The following SUPT7L variants were observed in gnomAD, a reference collection of about 807,000 sequenced individuals.
SUPT7L encodes the protein SPT7 like, STAGA complex subunit gamma.
SUPT7L carries 15 observed loss-of-function variants against 35.7 expected under a neutral mutation model. That is an observed-to-expected ratio of 0.42 (90% CI 0.28 to 0.65). The LOEUF is 0.65. Among genes scored for constraint, SUPT7L ranks in the 30% least tolerant of loss-of-function variants. SUPT7L has a pLI of 0.23. For synonymous variants in SUPT7L, 168 were observed against 186.2 expected (o/e 0.90, Z 0.79); for missense variants, 434 against 522.2 (o/e 0.83, Z 1.65).
downstream of SUPT7L, among the ~76,000 whole-genome samples, chr2:27,647,195 G>A (rs1024906148): frequency 6.6e-6 from 1 of 152,170 alleles, no homozygotes; most frequent in Admixed American, 6.5e-5. Context: ...GCTCTCGCAA[G>A]CCTCATAGGC....
intron 5 of SUPT7L, 93 bp from the exon 6 acceptor site, chr2:27,653,840 AT>A (rs1674672648): frequency 6.9e-7 from 1 of 1,449,742 alleles, no homozygotes; most frequent in African/African-American, 1.4e-5. Context: ...ACCAACTAAT[AT>A]GCTTTGAGCT....
downstream of SUPT7L, among the ~76,000 whole-genome samples, chr2:27,648,407 T>C (rs1674348345): frequency 6.6e-6 from 1 of 152,012 alleles, no homozygotes; most frequent in Admixed American, 6.6e-5. Context: ...TAGTTCAAGC[T>C]GTTTGGGAGG....
intron 4 of SUPT7L, among the ~76,000 whole-genome samples, chr2:27,656,150 G>A (rs920761291): frequency 1.3e-5 from 2 of 151,962 alleles, no homozygotes; most frequent in African/African-American, 4.8e-5. Context: ...AGGCAACCCT[G>A]TCTAAAAAAA....
At position 27,657,316 on chromosome 2, in the gene SUPT7L, G is replaced by A; in HGVS notation, c.744+29C>T. 1.9e-6 allele frequency: 3 copies of A among 1,603,534 alleles called. No homozygotes were observed. The highest frequency in any genetic ancestry group is 1.7e-4 in the Middle Eastern group (1 of 6,014). ...ACACTCCGAGATTGCACAGACATCT[G>A]TGCCCACTTTTCAACAGGGTCGCCT... On this transcript the variant is annotated intron_variant, in intron 4 of 5. Coordinates refer to ENST00000337768, the MANE Select transcript of SUPT7L (RefSeq NM_014860.3). This position sits in a 1 kb window ranked among gnomAD's most constrained non-coding sequence, Gnocchi z 5.2.
chr2:27,653,401 A>C lies in SUPT7L; in HGVS notation c.*84T>G. 6 of 1,513,696 alleles carry C rather than the reference A, an allele frequency of 4.0e-6. No homozygotes were observed. Among genetic ancestry groups the C allele is most frequent in the Non-Finnish European group, 5.3e-6 (6 of 1,135,784 alleles). The allele number at this position is 1,513,696 out of a possible 1,614,324, so 93.8% of individuals were successfully genotyped here. ...TGTGTTTAAGAACAGGAGTCAAATC[A>C]ATTTTTAAGGAAACAGATTCTAATA... On this transcript the variant is annotated 3_prime_UTR_variant, in exon 6 of 6. Coordinates refer to ENST00000337768, the MANE Select transcript of SUPT7L (RefSeq NM_014860.3).
At position 27,657,573 on chromosome 2, in the gene SUPT7L, G is replaced by C. The variant is rs753636659; in HGVS notation, c.516C>G (p.Asp172Glu). 1.2e-6 allele frequency: 2 copies of C among 1,614,264 alleles called. No individual in the cohort carries two copies. The highest frequency in any genetic ancestry group is 4.5e-5 in the East Asian group (2 of 44,892). The change falls in exon 4 of 6, where the codon GAC (aspartate) becomes GAG (glutamate). Residue 172 changes from aspartate to glutamate, a missense_variant. This residue lies in a region of SUPT7L where 198 missense variants were observed against 190.8 expected (regional missense o/e 1.04). Transcript: ENST00000337768. The surrounding 1 kb of genome is among the most constrained non-coding windows in gnomAD (Gnocchi z 5.2). ...TCTCCAGGACACTCTCATTAGCACA[G>C]TCAAAGCCCGCGTGGGCCAGGATTG... is the stretch of plus-strand genomic sequence containing the variant. ...VATILAHAGF[D>E]CANESVLETL... is the part of the protein sequence containing the mutation.
downstream of SUPT7L, among the ~76,000 whole-genome samples, chr2:27,648,438 G>A (rs761630077): frequency 2.0e-5 from 3 of 152,176 alleles, no homozygotes; most frequent in African/African-American, 4.8e-5. Flanking sequence ...TGGGTTGCTT[G>A]AGCCCAGAAG....
chr2:27,649,205 A>G (rs1674389667), downstream of SUPT7L, among the ~76,000 whole-genome samples: 1 of 151,606 alleles, frequency 6.6e-6, no homozygotes, highest in Admixed American at 6.6e-5. Flanking sequence ...AGAGCTCACC[A>G]TTGCACTCAG....
chr2:27,642,644 A>G, the SUPT7L span: 4 of 598,848 alleles, frequency 6.7e-6, no homozygotes, highest in Non-Finnish European at 1.2e-5. Flanking sequence ...GCTCACCACA[A>G]CCTCCACCTC....
At chr2:27,650,232 A>C (rs375952627), downstream of SUPT7L, 13 of 1,334,434 alleles carry the variant, frequency 9.7e-6, no homozygotes, top group Non-Finnish European at 1.3e-5. Context: ...TGTTTCTAGA[A>C]GTCCAGAATT....
chr2:27,645,331 C>A, the SUPT7L span, among the ~76,000 whole-genome samples: 1 of 152,118 alleles, frequency 6.6e-6, no homozygotes, highest in East Asian at 1.9e-4. Flanking sequence ...TATGCCTGTA[C>A]CATGTTGTTT....
chr2:27,655,785 A>C (rs1245101867), intron 4 of SUPT7L, among the ~76,000 whole-genome samples, 183 bp from the exon 5 acceptor site: 1 of 152,214 alleles, frequency 6.6e-6, no homozygotes, highest in East Asian at 1.9e-4. Context: ...AGATATGTAA[A>C]GAAAATTGGT....
Position 27,657,418 on chromosome 2 carries a change from C to G in SUPT7L, c.671G>C (p.Gly224Ala), listed in dbSNP as rs188290387. ...DVMEQVFHEV[G>A]IGSVLSLQKF... ...CTGGAGGGAGAGCACACTGCCAATA[C>G]CCACTTCATGGAATACCTGCTCCAT... Residue 224 changes from glycine to alanine, a missense_variant, in exon 4 of 6, where the codon GGT becomes GCT. Transcript: ENST00000337768. The surrounding 1 kb of genome is among the most constrained non-coding windows in gnomAD (Gnocchi z 5.2). The G allele has an allele frequency of 6.2e-7, 1 of 1,614,262 alleles. No individual in the cohort carries two copies. Among genetic ancestry groups the G allele is most frequent in the Non-Finnish European group, 8.5e-7 (1 of 1,180,056 alleles).
downstream of SUPT7L, chr2:27,650,229 A>C (rs556375620): frequency 1.5e-6 from 2 of 1,338,988 alleles, no homozygotes; most frequent in South Asian, 2.4e-5. Context: ...ACTTGTTTCT[A>C]GAAGTCCAGA....
intron 3 of SUPT7L, among the ~76,000 whole-genome samples, chr2:27,659,174 A>T (rs1558500407): frequency 6.6e-6 from 1 of 152,182 alleles, no homozygotes; most frequent in Non-Finnish European, 1.5e-5. Flanking sequence ...GTAATAACAC[A>T]GTTATGCCTC....
Position 27,662,233 on chromosome 2 carries a change from T to C in SUPT7L, c.-41A>G. 1 of 1,608,790 alleles carries C rather than the reference T, an allele frequency of 6.2e-7. No homozygotes were observed. The highest frequency in any genetic ancestry group is 8.5e-7 in the Non-Finnish European group (1 of 1,175,100). On this transcript the variant is annotated 5_prime_UTR_variant, in exon 2 of 6. Transcript: ENST00000337768. ...TCAAGTTCAACAAACATTTATCAAATGCCAGGCATTCTGTGTCGGTCAAAG... is the reference window on the plus strand; with the variant it reads ...TCAAGTTCAACAAACATTTATCAAACGCCAGGCATTCTGTGTCGGTCAAAG...
intron 4 of SUPT7L, 129 bp from the exon 5 acceptor site, chr2:27,655,731 G>A (rs1674773965): frequency 2.5e-6 from 2 of 811,544 alleles, no homozygotes; most frequent in Admixed American, 5.1e-5. Flanking sequence ...CTGCCAATGG[G>A]AGGGATTTGT....
chr2:27,657,253 C>T lies in SUPT7L; in HGVS notation c.744+92G>A. The T allele has an allele frequency of 1.2e-5, 16 of 1,375,724 alleles. No homozygotes were observed. The South Asian group carries it at 2.2e-4, about 19-fold the overall frequency. 85.2% of individuals were successfully genotyped at this position (1,375,724 alleles called of 1,614,324 possible). ...GTTCACTCTGTTCCAAGACTCTGTGCTCTGCACTCTAGACCAAGTGTTGTG... is the reference window on the plus strand; with the variant it reads ...GTTCACTCTGTTCCAAGACTCTGTGTTCTGCACTCTAGACCAAGTGTTGTG... On this transcript the variant is annotated intron_variant, in intron 4 of 5. Coordinates refer to ENST00000337768, the MANE Select transcript of SUPT7L (RefSeq NM_014860.3). This position sits in a 1 kb window ranked among gnomAD's most constrained non-coding sequence, Gnocchi z 5.2.
Position 27,655,444 on chromosome 2 carries a change from TG to T in SUPT7L, c.902del (p.Ser301TyrfsTer31). 2 of 1,614,122 alleles carry T rather than the reference TG, an allele frequency of 1.2e-6. No individual in the cohort carries two copies. Among genetic ancestry groups the T allele is most frequent in the Non-Finnish European group, 1.7e-6 (2 of 1,179,996 alleles). ...LEADLASGDQSLPMGVLGAQS... is the reference protein window; with the variant it reads ...LEADLASGDQXLPMGVLGAQS... ...GAGCCCCAAGCACTCCCATAGGCAG[TG>T]ACTGGTCTCCAGAAGCAAGGTCAGC... On this transcript the variant is annotated frameshift_variant, in exon 5 of 6. Transcript: ENST00000337768. LOFTEE classifies it high-confidence loss of function.
Sources: gnomAD v4.1 joint callset for allele counts (sites outside exome capture counted in the v4.1 genomes callset) on GRCh38, gnomAD v4.1.1 for gene constraint, gnomAD v4.1.1 regional missense constraint, Gnocchi (gnomAD v3.1) non-coding constraint, MANE v1.5 for transcripts, NCBI Gene and HGNC (gene_info 2026-07-23, HGNC 2026-07-21) for gene names.